The following DMD variants were observed in gnomAD, a reference collection of about 807,000 sequenced individuals.
DMD encodes the protein mutant dystrophin.
Under a neutral mutation model 330.1 loss-of-function variants are expected in DMD, and 63 were observed. The ratio of observed to expected loss-of-function variants is 0.19; its 90% CI spans 0.16 to 0.24. The LOEUF is 0.24. Ranked by LOEUF, DMD falls within the 10% of genes least tolerant of loss-of-function variation. DMD has a pLI of 1.00. For synonymous variants in DMD, 1,223 were observed against 959.8 expected, an observed-to-expected ratio of 1.27 and a Z score of -5.07; for missense variants, 3,344 against 2,684.1, an observed-to-expected ratio of 1.25 and a Z score of -5.43.
chrX:32,973,179 T>C (rs1054784090), intron 2 of DMD, among the ~76,000 whole-genome samples: 4 of 112,437 alleles, frequency 3.6e-5, no homozygotes, highest in Middle Eastern at 4.2e-3. Flanking sequence ...GTTTTACTGA[T>C]TCTGATTTAG....
intron 55 of DMD, among the ~76,000 whole-genome samples, chrX:31,529,647 T>G: frequency 8.9e-6 from 1 of 111,906 alleles, no homozygotes. Context: ...ACCTGTTTCT[T>G]ACATTCAGGG....
intron 44 of DMD, among the ~76,000 whole-genome samples, chrX:32,108,519 C>T: frequency 9.0e-6 from 1 of 111,417 alleles, no homozygotes; most frequent in East Asian, 2.8e-4. Context: ...AGTGCCTTTT[C>T]CTGAGGACAT....
chrX:32,634,886 C>A (rs1393402244), intron 11 of DMD, among the ~76,000 whole-genome samples: 3 of 111,805 alleles, frequency 2.7e-5, no homozygotes, highest in Non-Finnish European at 1.9e-5. Context: ...AGTCCACTGA[C>A]TCTGAGCCCG....
At chrX:32,393,207 T>G (rs1298648506) in intron 30 of DMD, among the ~76,000 whole-genome samples, 3 of 111,426 alleles carry the variant, frequency 2.7e-5, no homozygotes, top group Non-Finnish European at 3.8e-5. Flanking sequence ...TACTTCAATT[T>G]TGTTACTTCT....
At chrX:31,828,620 T>C (rs1012954334) in intron 49 of DMD, among the ~76,000 whole-genome samples, 2 of 96,517 alleles carry the variant, frequency 2.1e-5, no homozygotes, top group African/African-American at 7.9e-5. Flanking sequence ...GCCAAGATCA[T>C]GCCACAGCAC....
intron 27 of DMD, among the ~76,000 whole-genome samples, chrX:32,443,659 C>G (rs1262642594): frequency 9.0e-6 from 1 of 111,111 alleles, no homozygotes; most frequent in Non-Finnish European, 1.9e-5. Flanking sequence ...CTGAAGGACA[C>G]AGCTGGAGAG....
At chrX:32,827,052 T>TCCCC (rs2078755384) in intron 4 of DMD, among the ~76,000 whole-genome samples, 1 of 86,561 alleles carries the variant, frequency 1.2e-5, no homozygotes, top group African/African-American at 4.9e-5. Context: ...GGAACACACA[T>TCCCC]CGCACCCCCC....
At chrX:32,563,769 G>C (rs2051346128) in intron 16 of DMD, among the ~76,000 whole-genome samples, 1 of 112,049 alleles carries the variant, frequency 8.9e-6, no homozygotes, top group African/African-American at 3.2e-5. Context: ...TATTTATATA[G>C]TGTATTCCCA....
intron 13 of DMD, among the ~76,000 whole-genome samples, chrX:32,585,908 G>A (rs978321453): frequency 9.2e-6 from 1 of 109,080 alleles, no homozygotes; most frequent in Non-Finnish European, 1.9e-5. Context: ...CAGACATTGT[G>A]TTCTTTCAAA....
At chrX:32,656,308 C>T (rs944213762) in intron 9 of DMD, among the ~76,000 whole-genome samples, 1 of 111,864 alleles carries the variant, frequency 8.9e-6, no homozygotes, top group African/African-American at 3.3e-5. Flanking sequence ...AAGACAGCGT[C>T]CCAGGGGATG....
intron 19 of DMD, among the ~76,000 whole-genome samples, chrX:32,499,425 A>G (rs748970908): frequency 9.0e-6 from 1 of 111,449 alleles, no homozygotes; most frequent in South Asian, 3.7e-4. Flanking sequence ...TAATAATATG[A>G]GTGGTTTATA....
rs2097581167 is a variant in DMD at position 32,315,935 on chromosome X, C to T, written c.5923-5659G>A. 1.8e-5 allele frequency among the ~76,000 whole-genome samples: 2 copies of T among 111,657 alleles called. 1 individual carries two copies. The highest frequency in any genetic ancestry group is 1.9e-4 in the Admixed American group (2 of 10,498). On this transcript the variant is annotated intron_variant, in intron 41 of 78. Coordinates refer to ENST00000357033, the MANE Select transcript of DMD (RefSeq NM_004006.3). ...AAGAAAATTTTAGATACCTAAGTGA[C>T]AAATAATTGTAATTCTGTATCTGGT...
In DMD at chrX:32,901,666, T is replaced by C. The variant is rs754849972; in HGVS notation, c.94-51846A>G. On this transcript the variant is annotated intron_variant, in intron 2 of 78. Transcript: ENST00000357033. Reference sequence around the variant, plus strand: ...ATGCAACATGTGCCCTTTTTAAAATTTTTCATAAAATGTAATATCTGTTGG... The same window carrying C: ...ATGCAACATGTGCCCTTTTTAAAATCTTTCATAAAATGTAATATCTGTTGG... Among the ~76,000 whole-genome samples, 7 of 110,997 alleles carry C rather than the reference T, an allele frequency of 6.3e-5. No individual in the cohort carries two copies. In the South Asian group the frequency reaches 2.6e-3, roughly 41 times the overall value.
intron 61 of DMD, among the ~76,000 whole-genome samples, chrX:31,331,769 G>A (rs553416467): frequency 1.6e-3 from 177 of 111,927 alleles, no homozygotes; most frequent in Middle Eastern, 9.2e-3. Context: ...TTTAAAAGAC[G>A]ACAGGCAGTC....
At chrX:33,290,100 T>A (rs1316366205) in intron 1 of DMD, among the ~76,000 whole-genome samples, 2 of 111,833 alleles carry the variant, frequency 1.8e-5, no homozygotes, top group Admixed American at 1.9e-4. Flanking sequence ...ACTTCTCTTG[T>A]CAGAACTTTG....
rs2051254963 is a variant in DMD at position 31,267,214 on chromosome X, AG to A, written c.9225-6199del. On this transcript the variant is annotated intron_variant, in intron 62 of 78. Transcript: ENST00000357033. ...TAACACCTCCTTAAAGCCTCTAGCA[AG>A]ACTACTTGTTGTCTAAATAAATGAC... Among the ~76,000 whole-genome samples, 13 of 112,662 alleles carry A rather than the reference AG, an allele frequency of 1.2e-4. No homozygotes were observed. The Admixed American group carries it at 1.2e-3, about 10-fold the overall frequency.
chrX:32,772,903 G>A (rs949971103), intron 7 of DMD, among the ~76,000 whole-genome samples: 6 of 111,618 alleles, frequency 5.4e-5, no homozygotes, highest in African/African-American at 2.0e-4. Context: ...ACAGAAACTC[G>A]GGCAAACTCA....
intron 54 of DMD, among the ~76,000 whole-genome samples, chrX:31,642,908 T>C (rs185072068): frequency 2.7e-5 from 3 of 112,295 alleles, no homozygotes; most frequent in Non-Finnish European, 5.6e-5. Context: ...CAATCGTTCT[T>C]CCGATTTTGA....
intron 44 of DMD, among the ~76,000 whole-genome samples, chrX:32,074,879 GACA>G (rs72179143): frequency 0.14 from 15,505 of 108,795 alleles, 936 homozygotes; most frequent in Admixed American, 0.22. Flanking sequence ...CAACAACAAC[GACA>G]ACAACAACAA....
Sources: allele counts gnomAD v4.1 joint callset (sites outside exome capture counted in the v4.1 genomes callset), GRCh38; gene constraint gnomAD v4.1.1; transcripts MANE v1.5; gene names NCBI Gene and HGNC (gene_info 2026-07-23, HGNC 2026-07-21).